Variants in NSMAF observed in about 807,000 individuals in gnomAD.
NSMAF encodes the protein protein FAN.
A neutral mutation model predicts 134.9 loss-of-function variants in NSMAF; 90 were observed. The ratio of observed to expected loss-of-function variants is 0.67; its 90% CI spans 0.56 to 0.79. NSMAF has a LOEUF of 0.79. Ranked by LOEUF, NSMAF falls within the 30% of genes least tolerant of loss-of-function variation. The probability of loss-of-function intolerance (pLI) is 0.00; values close to 1 mark genes in which losing one functional copy is unlikely to be tolerated. For missense variants in NSMAF, 1,010 were observed against 1,119.0 expected (o/e 0.90, Z 1.39); for synonymous variants, 358 against 389.6 (o/e 0.92, Z 0.96).
intron 6 of NSMAF, among the ~76,000 whole-genome samples, chr8:58,624,092 C>T (rs1349399679): frequency 1.6e-5 from 2 of 126,330 alleles, no homozygotes; most frequent in Admixed American, 2.1e-4. Context: ...CCCAGGCTGG[C>T]GTGCAGTGGC....
At chr8:58,613,520 G>A (rs55658192) in intron 9 of NSMAF, among the ~76,000 whole-genome samples, 1 of 151,340 alleles carries the variant, frequency 6.6e-6, no homozygotes, top group Admixed American at 6.6e-5. Context: ...TGAAAAATAC[G>A]AGAATTACCG....
At chr8:58,656,657 T>C (rs1375422416) in intron 1 of NSMAF, among the ~76,000 whole-genome samples, 1 of 151,810 alleles carries the variant, frequency 6.6e-6, no homozygotes, top group Non-Finnish European at 1.5e-5. Flanking sequence ...GGTGAAACCC[T>C]GTCTCTACTA....
intron 9 of NSMAF, among the ~76,000 whole-genome samples, chr8:58,612,310 A>T (rs550441875): frequency 3.6e-4 from 54 of 152,098 alleles, no homozygotes; most frequent in African/African-American, 1.1e-3. Flanking sequence ...ATACCCCTAA[A>T]CTATGAGGCT....
chr8:58,633,812 T>C (rs117884048), intron 5 of NSMAF, among the ~76,000 whole-genome samples: 2,318 of 152,298 alleles, frequency 0.015, 30 homozygotes, highest in Non-Finnish European at 0.022. Flanking sequence ...GGTTGTATAC[T>C]TGACACAGGA....
At chr8:58,587,832 G>A in intron 26 of NSMAF, 131 bp from the exon 27 acceptor site, 1 of 715,162 alleles carries the variant, frequency 1.4e-6, no homozygotes, top group Non-Finnish European at 2.4e-6. Context: ...GCTGCACAGT[G>A]CTCCAGCTCC....
At chr8:58,633,051 C>G (rs1302738433) in intron 5 of NSMAF, among the ~76,000 whole-genome samples, 1 of 152,178 alleles carries the variant, frequency 6.6e-6, no homozygotes, top group African/African-American at 2.4e-5. Context: ...CACTCTTGCC[C>G]TGGTTTGTAC....
Position 58,585,897 on chromosome 8 carries a change from C to A in NSMAF, c.2549+1G>T. The A allele has an allele frequency of 6.2e-7, 1 of 1,611,970 alleles. No homozygotes were observed. The highest frequency in any genetic ancestry group is 8.5e-7 in the Non-Finnish European group (1 of 1,178,302). On this transcript the variant is annotated splice_donor_variant, in intron 29 of 30. Transcript: ENST00000038176. LOFTEE classifies it high-confidence loss of function. ...CGCCCCCAGTAACTCACAAACTATA[C>A]CTCTGGGGCTCATCTGATGTCATGG...
intron 26 of NSMAF, 63 bp downstream of exon 26, chr8:58,589,388 TA>T: frequency 7.7e-7 from 1 of 1,305,624 alleles, no homozygotes; most frequent in Non-Finnish European, 1.0e-6. Flanking sequence ...CATTTTAAGC[TA>T]AAAATTATAC....
intron 30 of NSMAF, among the ~76,000 whole-genome samples, chr8:58,584,478 G>T (rs200456840): frequency 6.6e-6 from 1 of 152,146 alleles, no homozygotes; most frequent in South Asian, 2.1e-4. Flanking sequence ...TAAATACCTT[G>T]GCGAAGTAAG....
chr8:58,638,523 T>C (rs1039255404), intron 2 of NSMAF, among the ~76,000 whole-genome samples: 7 of 151,728 alleles, frequency 4.6e-5, no homozygotes, highest in African/African-American at 1.5e-4. Context: ...AAACACACAA[T>C]GAAGAAAGGA....
chr8:58,654,275 C>T (rs912675089), intron 1 of NSMAF, among the ~76,000 whole-genome samples: 1 of 152,304 alleles, frequency 6.6e-6, no homozygotes, highest in Admixed American at 6.5e-5. Flanking sequence ...AATATAGACA[C>T]AATTGATTAA....
At chr8:58,607,916 G>GC in intron 10 of NSMAF, 76 bp from the exon 11 acceptor site, 1 of 1,201,984 alleles carries the variant, frequency 8.3e-7, no homozygotes. Flanking sequence ...ATCAGAAAGG[G>GC]GAAAAAAAAA....
At chr8:58,589,602 C>G (rs1672737401) in intron 25 of NSMAF, 27 bp from the exon 26 acceptor site, 1 of 1,549,366 alleles carries the variant, frequency 6.5e-7, no homozygotes, top group Admixed American at 2.4e-5. Flanking sequence ...AGCATTAAAA[C>G]AGTAGTCTGG....
chr8:58,623,153 C>T, intron 9 of NSMAF, 67 bp downstream of exon 9: 1 of 1,212,946 alleles, frequency 8.2e-7, no homozygotes, highest in Non-Finnish European at 1.2e-6. Flanking sequence ...CTTGGATTTG[C>T]TGAATGAGGC....
intron 9 of NSMAF, among the ~76,000 whole-genome samples, chr8:58,613,210 C>T (rs149787547): frequency 8.0e-4 from 122 of 152,116 alleles, no homozygotes; most frequent in African/African-American, 2.9e-3. Flanking sequence ...TATGCAAACA[C>T]ATATATGTAT....
At chr8:58,595,970 CA>C (rs2129140216) in intron 21 of NSMAF, 1 of 212,874 alleles carries the variant, frequency 4.7e-6, no homozygotes, top group East Asian at 1.1e-4. Flanking sequence ...ATTTCCTTGT[CA>C]ACATTGTTTC....
At chr8:58,637,322 C>T (rs1472938406) in intron 2 of NSMAF, 1 of 456,200 alleles carries the variant, frequency 2.2e-6, no homozygotes, top group Admixed American at 2.3e-5. Context: ...AACCCCCATC[C>T]TTTCAGTGGG....
chr8:58,587,505 C>G, intron 27 of NSMAF, 113 bp downstream of exon 27: 1 of 719,302 alleles, frequency 1.4e-6, no homozygotes, highest in Non-Finnish European at 2.4e-6. Flanking sequence ...AGCCTATAAT[C>G]TTCCATTAAC....
intron 1 of NSMAF, among the ~76,000 whole-genome samples, chr8:58,650,468 T>A (rs1465853850): frequency 1.3e-5 from 2 of 152,186 alleles, no homozygotes; most frequent in African/African-American, 4.8e-5. Flanking sequence ...TTAGCTTCCT[T>A]CCAACATGCA....
Sources: allele counts gnomAD v4.1 joint callset (sites outside exome capture counted in the v4.1 genomes callset), GRCh38; gene constraint gnomAD v4.1.1; transcripts MANE v1.5; gene names NCBI Gene and HGNC (gene_info 2026-07-23, HGNC 2026-07-21).